The following DNER variants were observed in gnomAD, a reference collection of about 807,000 sequenced individuals.
The protein encoded by DNER is delta and Notch-like epidermal growth factor-related receptor.
DNER carries 33 observed loss-of-function variants against 78.2 expected under a neutral mutation model. That is an observed-to-expected ratio of 0.42 (90% confidence interval 0.32 to 0.56). The LOEUF (loss-of-function observed/expected upper bound fraction) is 0.56, where lower values mean the gene tolerates loss of function less well. DNER is among the 20% of genes least tolerant of loss of function. The pLI is 0.11. For missense variants in DNER, 918 were observed against 975.3 expected (o/e 0.94, Z 0.78); for synonymous variants, 417 against 384.8 (o/e 1.08, Z -0.98).
intron 6 of DNER, among the ~76,000 whole-genome samples, chr2:229,488,315 T>C (rs368277651): frequency 1.3e-5 from 2 of 152,214 alleles, no homozygotes; most frequent in East Asian, 3.9e-4. Flanking sequence ...GATGTGGGGA[T>C]AGATGTTTGT....
At chr2:229,658,818 G>A (rs1392127824) in intron 1 of DNER, among the ~76,000 whole-genome samples, 3 of 152,056 alleles carry the variant, frequency 2.0e-5, no homozygotes, top group African/African-American at 4.8e-5. Context: ...TAAGGCTGTC[G>A]ATGCTGAAAA....
Position 229,591,494 on chromosome 2 carries a change from T to A in DNER, c.585+86A>T. 1 of 1,446,894 alleles carries A rather than the reference T, an allele frequency of 6.9e-7. No homozygotes were observed. The highest frequency in any genetic ancestry group is 9.2e-7 in the Non-Finnish European group (1 of 1,088,322). The allele number at this position is 1,446,894 out of a possible 1,614,324, so 89.6% of individuals were successfully genotyped here. A position where few individuals can be genotyped will look rare whatever the true frequency, so the allele number is the denominator to read the frequency against. On this transcript the variant is annotated intron_variant, in intron 2 of 12. Transcript: ENST00000341772. This position sits in a 1 kb window ranked among gnomAD's most constrained non-coding sequence, Gnocchi z 4.6. Reference sequence around the variant, plus strand: ...GTGATTTAACTTAAAATGCTTTCATTTTTAATTGCTGATACTAGAACCGCT... The same window carrying A: ...GTGATTTAACTTAAAATGCTTTCATATTTAATTGCTGATACTAGAACCGCT...
chr2:229,385,744 A>G (rs1212094411), intron 11 of DNER, among the ~76,000 whole-genome samples: 1 of 152,124 alleles, frequency 6.6e-6, no homozygotes, highest in Non-Finnish European at 1.5e-5. Flanking sequence ...AATAAAATAC[A>G]TAAGAATACA....
At chr2:229,426,667 C>T (rs1693885868) in intron 8 of DNER, among the ~76,000 whole-genome samples, 1 of 151,918 alleles carries the variant, frequency 6.6e-6, no homozygotes, top group African/African-American at 2.4e-5. Context: ...CATCTATCTC[C>T]CTTAGCCTCT....
At chr2:229,533,756 A>G (rs1445609815) in intron 5 of DNER, among the ~76,000 whole-genome samples, 1 of 152,216 alleles carries the variant, frequency 6.6e-6, no homozygotes, top group African/African-American at 2.4e-5. Flanking sequence ...AGACATGGCT[A>G]TTTGGCAGAT....
At chr2:229,484,679 A>G (rs78003086) in intron 6 of DNER, among the ~76,000 whole-genome samples, 19,065 of 152,038 alleles carry the variant, frequency 0.13, 1,343 homozygotes, top group South Asian at 0.2. Flanking sequence ...TGTGACTGGC[A>G]TCTAGTAGGT....
At chr2:229,397,594 A>G (rs1215279351) in intron 10 of DNER, among the ~76,000 whole-genome samples, 2 of 152,096 alleles carry the variant, frequency 1.3e-5, no homozygotes, top group Non-Finnish European at 2.9e-5. Context: ...TCAAGTACTC[A>G]CAAAACATAT....
chr2:229,647,738 G>A (rs1052586047), intron 1 of DNER, among the ~76,000 whole-genome samples: 1 of 152,282 alleles, frequency 6.6e-6, no homozygotes, highest in East Asian at 1.9e-4. Context: ...GTCAATGATT[G>A]AAAAGCAATT....
intron 6 of DNER, among the ~76,000 whole-genome samples, chr2:229,492,901 C>T (rs1695430953): frequency 6.6e-6 from 1 of 152,140 alleles, no homozygotes; most frequent in African/African-American, 2.4e-5. Flanking sequence ...AAACTCATGG[C>T]CTCAAGTTAT....
At chr2:229,520,879 G>C (rs574064652) in intron 5 of DNER, among the ~76,000 whole-genome samples, 1 of 152,304 alleles carries the variant, frequency 6.6e-6, no homozygotes, top group African/African-American at 2.4e-5. Flanking sequence ...TTTTCTCCTT[G>C]TGGACAACAT....
At chr2:229,704,966 C>T (rs773972350) in intron 1 of DNER, among the ~76,000 whole-genome samples, 10 of 152,122 alleles carry the variant, frequency 6.6e-5, no homozygotes, top group Non-Finnish European at 1.2e-4. Flanking sequence ...GACTTTTTGT[C>T]CTATTCTAAT....
At chr2:229,387,182 T>G (rs1692886106) in intron 11 of DNER, among the ~76,000 whole-genome samples, 1 of 152,038 alleles carries the variant, frequency 6.6e-6, no homozygotes, top group South Asian at 2.1e-4. Flanking sequence ...TGCAGGGACA[T>G]GGATGAAGCT....
At chr2:229,492,815 C>G (rs1695428847) in intron 6 of DNER, among the ~76,000 whole-genome samples, 1 of 152,022 alleles carries the variant, frequency 6.6e-6, no homozygotes, top group African/African-American at 2.4e-5. Flanking sequence ...ACTGCAGGCA[C>G]ATACCACCAT....
intron 1 of DNER, among the ~76,000 whole-genome samples, chr2:229,607,899 G>A (rs1192867190): frequency 6.6e-6 from 1 of 151,486 alleles, no homozygotes; most frequent in Non-Finnish European, 1.5e-5. Flanking sequence ...GTACATGTAT[G>A]TAATCCCAGC....
intron 5 of DNER, among the ~76,000 whole-genome samples, chr2:229,523,508 A>T (rs755966395): frequency 1.4e-4 from 22 of 152,034 alleles, no homozygotes; most frequent in Admixed American, 6.6e-4. Flanking sequence ...GTCCTTTCTT[A>T]TTGGATGAGG....
intron 5 of DNER, among the ~76,000 whole-genome samples, chr2:229,525,376 G>C (rs938739896): frequency 6.6e-6 from 1 of 152,098 alleles, no homozygotes; most frequent in Non-Finnish European, 1.5e-5. Flanking sequence ...GCTGACATAA[G>C]GAATCACTGT....
At chr2:229,393,253 C>A (rs1178717418) in intron 10 of DNER, among the ~76,000 whole-genome samples, 2 of 151,834 alleles carry the variant, frequency 1.3e-5, no homozygotes, top group Non-Finnish European at 2.9e-5. Flanking sequence ...CATGGCGAAA[C>A]CCCGTCTCTA....
intron 4 of DNER, among the ~76,000 whole-genome samples, chr2:229,567,754 T>G (rs72985999): frequency 0.075 from 11,446 of 152,286 alleles, 565 homozygotes; most frequent in East Asian, 0.16. Flanking sequence ...TGATTGTCCC[T>G]GTTCCCAATC....
intron 8 of DNER, among the ~76,000 whole-genome samples, chr2:229,421,941 C>T (rs969440312): frequency 6.6e-6 from 1 of 152,104 alleles, no homozygotes; most frequent in African/African-American, 2.4e-5. Context: ...GCAAGATCAT[C>T]TTTAATTGTT....
Sources: allele counts gnomAD v4.1 joint callset (sites outside exome capture counted in the v4.1 genomes callset), GRCh38; gene constraint gnomAD v4.1.1; non-coding constraint Gnocchi (gnomAD v3.1); transcripts MANE v1.5; gene names NCBI Gene and HGNC (gene_info 2026-07-23, HGNC 2026-07-21).